NLGN4X: variants seen among roughly 807,000 people sequenced by gnomAD.
NLGN4X encodes the protein neuroligin-4, X-linked.
In NLGN4X, 3 loss-of-function variants were observed where a neutral mutation model predicts 40.3. That is an observed-to-expected ratio of 0.07 (90% CI 0.03 to 0.19). NLGN4X has a LOEUF of 0.19. NLGN4X is among the 10% of genes least tolerant of loss of function. The pLI is 1.00. For missense variants in NLGN4X, 382 were observed against 708.3 expected, an observed-to-expected ratio of 0.54 and a Z score of 5.23; for synonymous variants, 270 against 306.8, an observed-to-expected ratio of 0.88 and a Z score of 1.25.
At position 5,952,837 on chromosome X, in the gene NLGN4X, T is replaced by C. The variant is rs775694138; in HGVS notation, c.626-43598A>G. ...AGGTTTTGCATGCCCCGCAGTAAAATTGTACATGTCCCGCACCTTATATTT... is the reference window on the plus strand; with the variant it reads ...AGGTTTTGCATGCCCCGCAGTAAAACTGTACATGTCCCGCACCTTATATTT... On this transcript the variant is annotated intron_variant, in intron 3 of 5. Coordinates refer to ENST00000381095, the MANE Select transcript of NLGN4X (RefSeq NM_181332.3). Among the ~76,000 whole-genome samples the C allele has an allele frequency of 1.8e-3, 203 of 110,706 alleles. 2 individuals are homozygous for C. The highest frequency in any genetic ancestry group is 6.0e-3 in the African/African-American group (182 of 30,391).
intron 1 of NLGN4X, among the ~76,000 whole-genome samples, chrX:6,222,226 G>C (rs1925777066): frequency 9.0e-6 from 1 of 110,878 alleles, no homozygotes. Flanking sequence ...CTGGATGAAG[G>C]GTTGATGTGG....
At chrX:5,996,773 A>G (rs2035831143) in intron 3 of NLGN4X, among the ~76,000 whole-genome samples, 1 of 110,065 alleles carries the variant, frequency 9.1e-6, no homozygotes, top group Non-Finnish European at 1.9e-5. Flanking sequence ...TAACTTTTGT[A>G]CTTTTAGTAG....
intron 2 of NLGN4X, among the ~76,000 whole-genome samples, chrX:6,139,536 CAT>C (rs1369604771): frequency 8.9e-6 from 1 of 112,178 alleles, no homozygotes; most frequent in African/African-American, 3.2e-5. Context: ...TTTTAGGAAA[CAT>C]AGACAGCATT....
At chrX:5,913,881 A>G (rs1325818397) in intron 3 of NLGN4X, among the ~76,000 whole-genome samples, 9 of 111,685 alleles carry the variant, frequency 8.1e-5, no homozygotes, top group Non-Finnish European at 1.7e-4. Context: ...ATGATAGTGA[A>G]TAAGTGTCAT....
chrX:6,174,010 A>G (rs1404394894), intron 1 of NLGN4X, among the ~76,000 whole-genome samples: 2 of 111,418 alleles, frequency 1.8e-5, no homozygotes, highest in African/African-American at 6.5e-5. Flanking sequence ...GTGAGCCGAG[A>G]TGGTGCTACT....
chrX:6,163,386 C>T (rs780863131), intron 1 of NLGN4X, among the ~76,000 whole-genome samples: 1 of 112,281 alleles, frequency 8.9e-6, no homozygotes, highest in South Asian at 3.7e-4. Flanking sequence ...ATACACCAAT[C>T]AAGTACCCAT....
intron 1 of NLGN4X, among the ~76,000 whole-genome samples, chrX:6,194,110 G>A (rs1156650582): frequency 9.0e-6 from 1 of 111,406 alleles, no homozygotes; most frequent in Non-Finnish European, 1.9e-5. Flanking sequence ...TTGAGCCTGG[G>A]AGGTTGAGGC....
At chrX:5,899,764 G>A (rs1432729714) in intron 5 of NLGN4X, among the ~76,000 whole-genome samples, 1 of 107,792 alleles carries the variant, frequency 9.3e-6, no homozygotes, top group East Asian at 2.9e-4. Context: ...AAGTCAGGAA[G>A]AGCTAATGAG....
At chrX:6,138,138 T>G (rs1469563717) in intron 2 of NLGN4X, among the ~76,000 whole-genome samples, 1 of 112,088 alleles carries the variant, frequency 8.9e-6, no homozygotes, top group Non-Finnish European at 1.9e-5. Flanking sequence ...CTTTTTAATT[T>G]CTAAGGCATA....
At chrX:6,045,508 G>C (rs1245576969) in intron 2 of NLGN4X, among the ~76,000 whole-genome samples, 1 of 111,692 alleles carries the variant, frequency 9.0e-6, no homozygotes, top group Non-Finnish European at 1.9e-5. Flanking sequence ...TAAGGAATTA[G>C]GTTGACTCTA....
At chrX:6,002,523 T>C (rs953060229) in intron 3 of NLGN4X, among the ~76,000 whole-genome samples, 1 of 112,491 alleles carries the variant, frequency 8.9e-6, no homozygotes, top group African/African-American at 3.2e-5. Context: ...ATTAAATTAA[T>C]AAAAGGAGAT....
intron 3 of NLGN4X, among the ~76,000 whole-genome samples, chrX:5,948,763 T>C (rs1303222063): frequency 1.8e-5 from 2 of 111,998 alleles, no homozygotes; most frequent in Non-Finnish European, 3.8e-5. Context: ...ATGCCCATAA[T>C]GTGGGGCTTC....
At chrX:5,900,543 A>G (rs1255309245) in intron 5 of NLGN4X, among the ~76,000 whole-genome samples, 2 of 99,281 alleles carry the variant, frequency 2.0e-5, no homozygotes, top group African/African-American at 7.4e-5. Context: ...TTGTTATAAG[A>G]CACACCGTTT....
rs976569802 is a variant in NLGN4X at position 5,960,902 on chromosome X, A to T, written c.626-51663T>A. On this transcript the variant is annotated intron_variant, in intron 3 of 5. Coordinates refer to ENST00000381095, the MANE Select transcript of NLGN4X (RefSeq NM_181332.3). ...ACCACCATATTTTCCATAACTTACA[A>T]TATTTTTTACAAAATTATTTTCTTC... Among the ~76,000 whole-genome samples, 192 of 112,395 alleles carry T rather than the reference A, an allele frequency of 1.7e-3. 1 individual carries two copies. Among genetic ancestry groups the T allele is most frequent in the African/African-American group, 6.0e-3 (185 of 31,043 alleles).
At chrX:6,207,883 T>C (rs1198692805) in intron 1 of NLGN4X, among the ~76,000 whole-genome samples, 12 of 112,176 alleles carry the variant, frequency 1.1e-4, no homozygotes, top group Non-Finnish European at 1.9e-5. Flanking sequence ...AATGTTATAC[T>C]GCATTCTTTG....
chrX:6,225,677 C>CTTTCTTTT (rs1299709957), intron 1 of NLGN4X, among the ~76,000 whole-genome samples: 3 of 40,615 alleles, frequency 7.4e-5, no homozygotes, highest in Admixed American at 3.4e-4. Context: ...CCTTTTTTTT[C>CTTTCTTTT]TTTCTTTTTT....
intron 1 of NLGN4X, among the ~76,000 whole-genome samples, chrX:6,185,458 G>A (rs982785801): frequency 1.8e-5 from 2 of 112,042 alleles, no homozygotes; most frequent in African/African-American, 6.5e-5. Context: ...CAGGTCCACA[G>A]CATGCCAGGT....
intron 3 of NLGN4X, among the ~76,000 whole-genome samples, chrX:5,968,508 T>TGTGTGTGTG (rs2034912564): frequency 1.9e-4 from 11 of 57,770 alleles, no homozygotes; most frequent in East Asian, 5.6e-4. Context: ...TGTGTGTGTG[T>TGTGTGTGTG]TGGGGTGCTA....
chrX:5,981,508 A>AT (rs1477656471), intron 3 of NLGN4X, among the ~76,000 whole-genome samples: 2 of 108,074 alleles, frequency 1.9e-5, no homozygotes, highest in Non-Finnish European at 3.8e-5. Context: ...AGATAATGAG[A>AT]TTTTTTAAAA....
Sources: gnomAD v4.1 joint callset for allele counts (sites outside exome capture counted in the v4.1 genomes callset) on GRCh38, gnomAD v4.1.1 for gene constraint, MANE v1.5 for transcripts, NCBI Gene and HGNC (gene_info 2026-07-23, HGNC 2026-07-21) for gene names.